Variants in DNM1L observed in about 807,000 individuals in gnomAD.
The protein encoded by DNM1L is dynamin-1-like protein.
DNM1L carries 33 observed loss-of-function variants against 92.8 expected under a neutral mutation model. The observed-to-expected ratio is 0.36, with a 90% CI of 0.27 to 0.48. The LOEUF (loss-of-function observed/expected upper bound fraction) is 0.48. DNM1L is among the 20% of genes least tolerant of loss of function. The pLI is 0.99. For synonymous variants in DNM1L, 284 were observed against 305.0 expected (o/e 0.93, Z 0.72); for missense variants, 485 against 888.8 (o/e 0.55, Z 5.78).
At chr12:32,738,392 A>G (rs935826281) in intron 16 of DNM1L, 96 bp downstream of exon 16, 19 of 1,308,318 alleles carry the variant, frequency 1.5e-5, no homozygotes, top group Non-Finnish European at 2.0e-5. Context: ...GTGTAGTGGT[A>G]TCTATCTCTT....
In DNM1L at chr12:32,701,613, A is replaced by G. The variant is rs755269879; in HGVS notation, c.250+51A>G. 7.3e-6 allele frequency: 11 copies of G among 1,509,004 alleles called. No homozygotes were observed. In the Admixed American group the frequency reaches 8.4e-5, roughly 11 times the overall value. 93.5% of individuals were successfully genotyped at this position (1,509,004 alleles called of 1,614,324 possible). On this transcript the variant is annotated intron_variant, in intron 2 of 19. Coordinates refer to ENST00000549701, the MANE Select transcript of DNM1L (RefSeq NM_012062.5). ...TTTTACAGCTCTTCATTTTTGATCT[A>G]TTCTTAAAAAGATATGAATTGATTA...
chr12:32,686,427 A>G (rs569714409), intron 1 of DNM1L, among the ~76,000 whole-genome samples: 53 of 137,666 alleles, frequency 3.8e-4, no homozygotes, highest in African/African-American at 1.4e-3. Flanking sequence ...GTCCAAAACA[A>G]TTTCATCACG....
rs1274010503 is a variant in DNM1L, at chr12:32,737,171, T to A, written c.1596+10T>A. On this transcript the variant is annotated intron_variant, in intron 14 of 19. Coordinates refer to ENST00000549701, the MANE Select transcript of DNM1L (RefSeq NM_012062.5). ...TGTATCACGAGACAAGGTAAAAAAA[T>A]GTTTTTAATGCATATTCCCAATACC... 2 of 1,613,204 alleles carry A rather than the reference T, an allele frequency of 1.2e-6. No individual in the cohort carries two copies. The highest frequency in any genetic ancestry group is 1.3e-5 in the African/African-American group (1 of 74,900).
chr12:32,695,614 T>C (rs1445852462), intron 1 of DNM1L, among the ~76,000 whole-genome samples: 1 of 151,250 alleles, frequency 6.6e-6, no homozygotes, highest in Non-Finnish European at 1.5e-5. Flanking sequence ...CTACAAAAAA[T>C]AGAAAAATTA....
chr12:32,688,336 AT>A (rs2137234656), intron 1 of DNM1L, among the ~76,000 whole-genome samples: 1 of 152,286 alleles, frequency 6.6e-6, no homozygotes, highest in South Asian at 2.1e-4. Context: ...CATCTTAACC[AT>A]TTTAAGTTAG....
chr12:32,740,442 G>C lies in DNM1L; in HGVS notation c.1918G>C (p.Glu640Gln), dbSNP rs1372606763. The C allele has an allele frequency of 6.2e-7, 1 of 1,613,978 alleles. No homozygotes were observed. Among genetic ancestry groups the C allele is most frequent in the South Asian group, 1.1e-5 (1 of 91,070 alleles). ...VPVARKLSAR[E>Q]QRDCEVIERL... Reference sequence around the variant, plus strand: ...TGTTGCACGAAAACTATCTGCTCGGGAACAGCGAGATTGTGAGGTTATTGA... The same window carrying C: ...TGTTGCACGAAAACTATCTGCTCGGCAACAGCGAGATTGTGAGGTTATTGA... The change falls in exon 18 of 20, where the codon GAA (glutamate) becomes CAA (glutamine). Residue 640 changes from glutamate (E) to glutamine (Q), a missense_variant. Physicochemically the swap from Glu to Gln is conservative, Grantham distance 29. Around this residue, in one of 11 missense-constraint regions of DNM1L, gnomAD observed 133 missense variants for 210.9 expected, o/e 0.63. Transcript: ENST00000549701.
chr12:32,733,262 A>T (rs1306712746), intron 12 of DNM1L, among the ~76,000 whole-genome samples: 1 of 152,220 alleles, frequency 6.6e-6, no homozygotes, highest in Non-Finnish European at 1.5e-5. Context: ...TCAGGTCCTT[A>T]GATGTATCCT....
chr12:32,741,485 A>G (rs1955287348), intron 18 of DNM1L, among the ~76,000 whole-genome samples: 1 of 152,112 alleles, frequency 6.6e-6, no homozygotes, highest in African/African-American at 2.4e-5. Flanking sequence ...GGGTTTCACC[A>G]TGTTGGCCAG....
At position 32,722,520 on chromosome 12, in the gene DNM1L, C is replaced by CGTAG; in HGVS notation, c.967_968insTAGG (p.Gly323ValfsTer3). The CGTAG allele has an allele frequency of 6.2e-7, 1 of 1,613,340 alleles. No individual in the cohort carries two copies. The highest frequency in any genetic ancestry group is 8.5e-7 in the Non-Finnish European group (1 of 1,179,900). ...AGTATCAGTCTCTTCTAAATAGCTACGGTGAACCCGTGGATGATAAAAGTG... is the reference window on the plus strand; with the variant it reads ...AGTATCAGTCTCTTCTAAATAGCTACGTAGGGTGAACCCGTGGATGATAAAAGTG... On this transcript the variant is annotated frameshift_variant, in exon 9 of 20. Coordinates refer to ENST00000549701, the MANE Select transcript of DNM1L (RefSeq NM_012062.5). LOFTEE classifies it high-confidence loss of function.
intron 13 of DNM1L, among the ~76,000 whole-genome samples, chr12:32,736,234 G>A (rs1954874220): frequency 6.6e-6 from 1 of 151,878 alleles, no homozygotes; most frequent in South Asian, 2.1e-4. Context: ...ACCATGCCTG[G>A]CTAATTTTTA....
At chr12:32,722,691 T>C in intron 9 of DNM1L, 58 bp downstream of exon 9, 1 of 1,307,512 alleles carries the variant, frequency 7.6e-7, no homozygotes, top group Non-Finnish European at 1.1e-6. Context: ...CACTTTTCCT[T>C]TTGTGAAGAT....
chr12:32,694,441 CTAACTT>C (rs770552485), intron 1 of DNM1L, among the ~76,000 whole-genome samples: 9 of 152,216 alleles, frequency 5.9e-5, no homozygotes, highest in Non-Finnish European at 1.2e-4. Flanking sequence ...TTGTGACTGA[CTAACTT>C]TAACTTAGCA....
At chr12:32,737,773 CA>C in intron 14 of DNM1L, 91 bp from the exon 15 acceptor site, 1 of 958,840 alleles carries the variant, frequency 1.0e-6, no homozygotes, top group East Asian at 2.4e-5. Flanking sequence ...TTTACGATTT[CA>C]TTACAGAAGG....
chr12:32,681,086 G>C (rs1592551966), intron 1 of DNM1L, among the ~76,000 whole-genome samples: 1 of 152,140 alleles, frequency 6.6e-6, no homozygotes, highest in Non-Finnish European at 1.5e-5. Context: ...GCAAAATACA[G>C]AGTGGCAGGA....
rs1298700181 is a variant in DNM1L at position 32,745,035 on chromosome 12, T to C, written c.*1625T>C. On this transcript the variant is annotated 3_prime_UTR_variant, in exon 20 of 20. Transcript: ENST00000549701. Reference sequence around the variant, plus strand: ...GTTAACTTTAGCTTATGGCATCAATTTACTAAGGAACAACAGGCTCACCAA... The same window carrying C: ...GTTAACTTTAGCTTATGGCATCAATCTACTAAGGAACAACAGGCTCACCAA... 2 of 512,838 alleles carry C rather than the reference T, an allele frequency of 3.9e-6. No homozygotes were observed. Among genetic ancestry groups the C allele is most frequent in the Admixed American group, 4.0e-5 (2 of 50,090 alleles). The allele number at this position is 512,838 out of a possible 1,614,324, so 31.8% of individuals were successfully genotyped here.
intron 6 of DNM1L, among the ~76,000 whole-genome samples, chr12:32,717,981 ATATAGTATG>A (rs1565519207): frequency 4.6e-5 from 5 of 107,806 alleles, no homozygotes; most frequent in African/African-American, 2.0e-4. Context: ...TATATAGTAT[ATATAGTATG>A]TATAGTATAT....
At chr12:32,721,860 C>T (rs1953827510) in intron 8 of DNM1L, among the ~76,000 whole-genome samples, 1 of 152,072 alleles carries the variant, frequency 6.6e-6, no homozygotes, top group African/African-American at 2.4e-5. Flanking sequence ...GAGTGGCTCA[C>T]AGAGGTCAGG....
intron 15 of DNM1L, 102 bp downstream of exon 15, chr12:32,738,044 C>A: frequency 1.5e-6 from 2 of 1,327,690 alleles, no homozygotes; most frequent in Non-Finnish European, 2.2e-6. Flanking sequence ...ATATGGGATA[C>A]TGTGCTAAGG....
At chr12:32,695,306 C>T (rs1952394976) in intron 1 of DNM1L, among the ~76,000 whole-genome samples, 1 of 151,950 alleles carries the variant, frequency 6.6e-6, no homozygotes, top group South Asian at 2.1e-4. Flanking sequence ...AAACAAGACC[C>T]CTTAGACAAG....
Sources: allele counts gnomAD v4.1 joint callset (sites outside exome capture counted in the v4.1 genomes callset), GRCh38; gene constraint gnomAD v4.1.1; regional missense constraint gnomAD v4.1.1; transcripts MANE v1.5; gene names NCBI Gene and HGNC (gene_info 2026-07-23, HGNC 2026-07-21).